Variants in TCTN3 observed in about 807,000 individuals in gnomAD.
TCTN3 encodes tectonic-3.
Under a neutral mutation model 71.3 loss-of-function variants are expected in TCTN3, and 57 were observed. The ratio of observed to expected loss-of-function variants is 0.80; its 90% confidence interval spans 0.65 to 1.00. TCTN3 has a LOEUF of 1.00. Ranked by LOEUF, TCTN3 falls within the 50% of genes least tolerant of loss-of-function variation. The probability of loss-of-function intolerance (pLI) is 0.00; values close to 1 mark genes in which losing one functional copy is unlikely to be tolerated. For missense variants in TCTN3, 696 were observed against 719.9 expected (o/e 0.97, Z 0.38); for synonymous variants, 258 against 267.8 (o/e 0.96, Z 0.36).
Position 95,687,566 on chromosome 10 carries a change from A to G in TCTN3, c.627+26T>C, listed in dbSNP as rs763466440. The G allele has an allele frequency of 4.0e-5, 64 of 1,608,762 alleles. 1 individual carries two copies. In the South Asian group the frequency reaches 5.6e-4, roughly 14 times the overall value. ...TGTGAGAGTAAAAACTAAACCAAACAATCCCATCCCCTTCCCCAGGCTCAC... is the reference window on the plus strand; with the variant it reads ...TGTGAGAGTAAAAACTAAACCAAACGATCCCATCCCCTTCCCCAGGCTCAC... On this transcript the variant is annotated intron_variant, in intron 4 of 13. Coordinates refer to ENST00000371217, the MANE Select transcript of TCTN3 (RefSeq NM_015631.6).
At chr10:95,684,680 A>C in intron 8 of TCTN3, 56 bp from the exon 9 acceptor site, 1 of 1,584,862 alleles carries the variant, frequency 6.3e-7, no homozygotes. Flanking sequence ...GAATATGTTT[A>C]GGACAGAAGA....
chr10:95,686,284 A>AC (rs902481405), intron 7 of TCTN3, among the ~76,000 whole-genome samples: 10 of 152,194 alleles, frequency 6.6e-5, no homozygotes, highest in African/African-American at 2.2e-4. Flanking sequence ...ATGTTTACAA[A>AC]CTTATCTAAC....
chr10:95,686,772 A>G (rs1274252464), intron 6 of TCTN3, among the ~76,000 whole-genome samples: 2 of 152,238 alleles, frequency 1.3e-5, no homozygotes, highest in Non-Finnish European at 2.9e-5. Flanking sequence ...ACTGAATAGC[A>G]AAAGCAAGAA....
chr10:95,677,714 T>C (rs140959288), intron 13 of TCTN3, among the ~76,000 whole-genome samples: 3 of 152,200 alleles, frequency 2.0e-5, no homozygotes, highest in African/African-American at 7.2e-5. Context: ...CCTAAGCAGA[T>C]AACCTGAAAG....
At chr10:95,667,400 A>G (rs1038193988) in intron 13 of TCTN3, among the ~76,000 whole-genome samples, 2 of 152,234 alleles carry the variant, frequency 1.3e-5, no homozygotes, top group Non-Finnish European at 1.5e-5. Context: ...AAGGTTTAAC[A>G]GAGAGAAAGA....
chr10:95,676,278 A>G (rs2097937119), intron 13 of TCTN3, among the ~76,000 whole-genome samples: 1 of 150,980 alleles, frequency 6.6e-6, no homozygotes, highest in African/African-American at 2.4e-5. Flanking sequence ...TTTTTGAGAA[A>G]AAGTCTTGCT....
chr10:95,679,583 C>CTTTTTTT (rs201828119), intron 13 of TCTN3, among the ~76,000 whole-genome samples: 5 of 96,452 alleles, frequency 5.2e-5, no homozygotes, highest in African/African-American at 1.4e-4. Flanking sequence ...CTAGTCATTT[C>CTTTTTTT]TTTTTTTTTT....
intron 13 of TCTN3, among the ~76,000 whole-genome samples, chr10:95,678,533 CAAA>C (rs71034346): frequency 4.5e-4 from 47 of 103,654 alleles, no homozygotes; most frequent in East Asian, 1.4e-3. Flanking sequence ...AACACTGTCT[CAAA>C]AAAAAAAAAA....
At position 95,693,409 on chromosome 10, in the gene TCTN3, G is replaced by A. The variant is rs566756038; in HGVS notation, c.324C>T (p.Asp108=). ...CTGTCCTCGGATGGAGAAGATAGCA[G>A]TCCCTGTCGCAGCAGCAATTTATAT... The part of the protein sequence containing the change: ...ACDINCCCDR[D]CYLLHPRTVF... Residue 108 remains aspartate (D), a synonymous_variant, in exon 2 of 14, where the codon GAC becomes GAT. Transcript: ENST00000371217. 5.4e-4 allele frequency: 839 copies of A among 1,552,010 alleles called. 13 individuals are homozygous for A. The South Asian group carries it at 9.4e-3, about 17-fold the overall frequency.
intron 9 of TCTN3, 120 bp from the exon 10 acceptor site, chr10:95,683,749 A>C (rs1024997456): frequency 4.0e-6 from 3 of 743,770 alleles, no homozygotes; most frequent in Admixed American, 3.2e-5. Context: ...GCTACACTGA[A>C]CAATCTGGCT....
At chr10:95,692,335 G>A (rs183088001) in intron 3 of TCTN3, among the ~76,000 whole-genome samples, 23 of 152,006 alleles carry the variant, frequency 1.5e-4, no homozygotes, top group African/African-American at 5.3e-4. Context: ...GCAAAACCCC[G>A]TCTCTACTAA....
chr10:95,676,576 T>C (rs1013961645), intron 13 of TCTN3, among the ~76,000 whole-genome samples: 1 of 152,184 alleles, frequency 6.6e-6, no homozygotes, highest in Admixed American at 6.5e-5. Context: ...AGTAAGGGCA[T>C]TGTTTCATAA....
chr10:95,671,160 A>C (rs1400411186), intron 13 of TCTN3, among the ~76,000 whole-genome samples: 1 of 152,224 alleles, frequency 6.6e-6, no homozygotes, highest in Admixed American at 6.5e-5. Context: ...TAACTCTCTC[A>C]AAATCTGGTC....
chr10:95,673,392 A>G (rs910636958), intron 13 of TCTN3, among the ~76,000 whole-genome samples: 1 of 152,062 alleles, frequency 6.6e-6, no homozygotes, highest in South Asian at 2.1e-4. Flanking sequence ...TTTCCCCCAT[A>G]TGTTTACCCA....
rs1228286064 is a variant in TCTN3 at position 95,683,144 on chromosome 10, C to G, written c.1255G>C (p.Glu419Gln). The G allele has an allele frequency of 6.2e-7, 1 of 1,614,116 alleles. No individual in the cohort carries two copies. Among genetic ancestry groups the G allele is most frequent in the South Asian group, 1.1e-5 (1 of 91,070 alleles). ...GNGSCSVKRHEVQFGVNAISG... is the reference protein window; with the variant it reads ...GNGSCSVKRHQVQFGVNAISG... ...ATTGCATTCACTCCAAACTGCACTTCATGTCTTTTAACAGAGCAACTTCCA... is the reference window on the plus strand; with the variant it reads ...ATTGCATTCACTCCAAACTGCACTTGATGTCTTTTAACAGAGCAACTTCCA... The change falls in exon 11 of 14, where the codon GAA becomes CAA. Residue 419 changes from glutamate (E) to glutamine (Q), a missense_variant. Coordinates refer to ENST00000371217, the MANE Select transcript of TCTN3 (RefSeq NM_015631.6).
At chr10:95,672,935 C>T (rs1054074435) in intron 13 of TCTN3, among the ~76,000 whole-genome samples, 1 of 149,682 alleles carries the variant, frequency 6.7e-6, no homozygotes, top group Admixed American at 6.8e-5. Flanking sequence ...TCAAGTGATC[C>T]GCTCATCTCA....
chr10:95,677,474 G>GTTTTTTTTTTTTTTTTTT lies in TCTN3; in HGVS notation c.1590+2997_1590+2998insAAAAAAAAAAAAAAAAAA, dbSNP rs10654251. 7.6e-4 allele frequency among the ~76,000 whole-genome samples: 61 copies of GTTTTTTTTTTTTTTTTTT among 80,744 alleles called. 11 individuals are homozygous for GTTTTTTTTTTTTTTTTTT. The highest frequency in any genetic ancestry group is 9.9e-4 in the Non-Finnish European group (33 of 33,246). 53.0% of individuals were successfully genotyped at this position (80,744 alleles called of 152,430 possible). The stretch of plus-strand genomic sequence containing the variant: ...ATACAAGAAGATAGTGAAGTCTACA[G>GTTTTTTTTTTTTTTTTTT]TTTTTTTTGTTTTTTTTTTTTTTTT... On this transcript the variant is annotated intron_variant, in intron 13 of 13. Transcript: ENST00000371217.
intron 12 of TCTN3, among the ~76,000 whole-genome samples, chr10:95,680,881 C>T (rs551784369): frequency 6.7e-6 from 1 of 150,318 alleles, no homozygotes; most frequent in Admixed American, 6.7e-5. Context: ...CAGGTTCAAG[C>T]GATTCTCCTG....
chr10:95,691,912 A>G (rs2097953851), intron 3 of TCTN3, among the ~76,000 whole-genome samples: 1 of 152,190 alleles, frequency 6.6e-6, no homozygotes, highest in South Asian at 2.1e-4. Flanking sequence ...GATTTGCCCA[A>G]GTCTGTATAG....
Sources: allele counts gnomAD v4.1 joint callset (sites outside exome capture counted in the v4.1 genomes callset), GRCh38; gene constraint gnomAD v4.1.1; transcripts MANE v1.5; gene names NCBI Gene and HGNC (gene_info 2026-07-23, HGNC 2026-07-21).